The following CDH18 variants were observed in gnomAD, a reference collection of about 807,000 sequenced individuals.
CDH18 encodes cadherin-18.
CDH18 carries 31 observed loss-of-function variants against 67.9 expected under a neutral mutation model. That is an observed-to-expected ratio of 0.46 (90% CI 0.34 to 0.62). The LOEUF is 0.62. Among genes scored for constraint, CDH18 ranks in the 20% least tolerant of loss-of-function variants. The pLI is 0.01. For synonymous variants in CDH18, 362 were observed against 347.2 expected (o/e 1.04, Z -0.48); for missense variants, 890 against 975.5 (o/e 0.91, Z 1.17).
intron 11 of CDH18, among the ~76,000 whole-genome samples, chr5:19,493,737 G>C (rs956647052): frequency 2.6e-5 from 4 of 152,046 alleles, no homozygotes; most frequent in Non-Finnish European, 4.4e-5. Flanking sequence ...TCTGGTAAAT[G>C]TTTAATCACA....
intron 7 of CDH18, among the ~76,000 whole-genome samples, chr5:19,582,483 G>C (rs1743432983): frequency 6.6e-6 from 1 of 151,952 alleles, no homozygotes; most frequent in South Asian, 2.1e-4. Context: ...TTACCCAATA[G>C]CGTTTCCGTG....
intron 2 of CDH18, among the ~76,000 whole-genome samples, chr5:19,940,644 T>C (rs896231346): frequency 1.3e-5 from 2 of 152,032 alleles, no homozygotes; most frequent in African/African-American, 2.4e-5. Context: ...CCTTTGTGGA[T>C]CTAGAGATTA....
At chr5:19,658,774 G>A (rs1035498790) in intron 5 of CDH18, among the ~76,000 whole-genome samples, 5 of 151,522 alleles carry the variant, frequency 3.3e-5, no homozygotes, top group Non-Finnish European at 4.4e-5. Context: ...TTAACATTAG[G>A]TATATCTCCT....
chr5:20,141,279 TTGA>T (rs575463049), intron 2 of CDH18, among the ~76,000 whole-genome samples: 19 of 152,258 alleles, frequency 1.2e-4, no homozygotes, highest in African/African-American at 4.6e-4. Context: ...TTAAATTGAC[TTGA>T]TGATGCTGCG....
chr5:20,304,678 T>C lies in CDH18; in HGVS notation c.-579-49173A>G. On this transcript the variant is annotated intron_variant, in intron 1 of 14. Coordinates refer to the CDH18 transcript ENST00000507958. ...CGCTCCTAGTGATGATGGGTCCGTT[T>C]TCTTTTCAGATGTCAGCTCCACCTT... The C allele has an allele frequency of 3.1e-6, 5 of 1,611,844 alleles. No individual in the cohort carries two copies. In the African/African-American group the frequency reaches 4.0e-5, roughly 13 times the overall value.
chr5:20,501,732 T>TGC (rs1188508581), intron 1 of CDH18, among the ~76,000 whole-genome samples: 2 of 145,268 alleles, frequency 1.4e-5, no homozygotes, highest in Non-Finnish European at 3.0e-5. Flanking sequence ...TGTGTGTGTG[T>TGC]GTGTGTGTGT....
At chr5:20,523,381 C>T (rs1288774448) in intron 1 of CDH18, among the ~76,000 whole-genome samples, 1 of 152,106 alleles carries the variant, frequency 6.6e-6, no homozygotes, top group African/African-American at 2.4e-5. Context: ...CATGCTGACT[C>T]TCTGCACATC....
At chr5:20,278,011 G>T (rs1395055360) in intron 1 of CDH18, among the ~76,000 whole-genome samples, 1 of 152,032 alleles carries the variant, frequency 6.6e-6, no homozygotes, top group Non-Finnish European at 1.5e-5. Flanking sequence ...AAGCCTACCT[G>T]CCACATCTAG....
chr5:20,493,593 T>C (rs1753724320), intron 1 of CDH18, among the ~76,000 whole-genome samples: 1 of 151,930 alleles, frequency 6.6e-6, no homozygotes, highest in Non-Finnish European at 1.5e-5. Context: ...ACTTCAAATA[T>C]GCTCTGAATC....
At chr5:19,604,476 C>G (rs1747695170) in intron 6 of CDH18, among the ~76,000 whole-genome samples, 1 of 151,278 alleles carries the variant, frequency 6.6e-6, no homozygotes, top group Admixed American at 6.6e-5. Context: ...ATAATCTCCA[C>G]TTTAAATGTT....
At chr5:20,277,499 T>G (rs1399151508) in intron 1 of CDH18, among the ~76,000 whole-genome samples, 1 of 152,070 alleles carries the variant, frequency 6.6e-6, no homozygotes, top group Non-Finnish European at 1.5e-5. Flanking sequence ...AAACTTAGAT[T>G]ACAACACCCA....
intron 2 of CDH18, among the ~76,000 whole-genome samples, chr5:20,226,294 G>A (rs1741621657): frequency 6.6e-6 from 1 of 152,012 alleles, no homozygotes. Context: ...ATAGCATTCG[G>A]TATTAGCTGT....
At chr5:20,506,521 T>C (rs1754670799) in intron 1 of CDH18, among the ~76,000 whole-genome samples, 1 of 152,188 alleles carries the variant, frequency 6.6e-6, no homozygotes, top group Non-Finnish European at 1.5e-5. Context: ...GTCTGAATGC[T>C]GCCAGCAACC....
intron 12 of CDH18, among the ~76,000 whole-genome samples, chr5:19,475,033 CTTTA>C (rs1171747475): frequency 6.6e-6 from 1 of 152,010 alleles, no homozygotes; most frequent in Non-Finnish European, 1.5e-5. Context: ...ATATTCTAGG[CTTTA>C]TGATGGTGAT....
At chr5:20,504,492 T>C (rs1288087786) in intron 1 of CDH18, among the ~76,000 whole-genome samples, 2 of 152,180 alleles carry the variant, frequency 1.3e-5, no homozygotes, top group East Asian at 3.9e-4. Flanking sequence ...TAAAAGTTTT[T>C]AGAAAGACTC....
intron 2 of CDH18, among the ~76,000 whole-genome samples, chr5:20,210,652 C>G (rs530200469): frequency 5.5e-4 from 84 of 151,692 alleles, no homozygotes; most frequent in African/African-American, 1.8e-3. Context: ...TATTTTATAT[C>G]CGATAGTGAT....
intron 2 of CDH18, among the ~76,000 whole-genome samples, chr5:19,935,013 T>C (rs1483444274): frequency 1.3e-5 from 2 of 151,328 alleles, no homozygotes; most frequent in Non-Finnish European, 3.0e-5. Context: ...CCTATGATTA[T>C]GTCTCAGTCT....
intron 5 of CDH18, among the ~76,000 whole-genome samples, chr5:19,698,954 TC>T (rs1762876061): frequency 6.6e-6 from 1 of 152,122 alleles, no homozygotes; most frequent in Non-Finnish European, 1.5e-5. Flanking sequence ...CTGTTTCTCT[TC>T]CCTACAGGTT....
rs566938377 is a variant in CDH18 at position 19,994,328 on chromosome 5, T to C, written c.-517-2314A>G. On this transcript the variant is annotated intron_variant, in intron 2 of 14. Coordinates refer to the CDH18 transcript ENST00000507958. Reference sequence around the variant, plus strand: ...ACACATATATGTATACATATATACATATATTTATACACCTCTCTATCCCCT... The same window carrying C: ...ACACATATATGTATACATATATACACATATTTATACACCTCTCTATCCCCT... Among the ~76,000 whole-genome samples the C allele has an allele frequency of 3.9e-3, 537 of 138,164 alleles. 2 individuals are homozygous for C. Among genetic ancestry groups the C allele is most frequent in the African/African-American group, 0.016 (501 of 31,862 alleles). 90.6% of individuals were successfully genotyped at this position (138,164 alleles called of 152,430 possible). A position where few individuals can be genotyped will look rare whatever the true frequency, so the allele number is the denominator to read the frequency against.
Sources: gnomAD v4.1 joint callset for allele counts (sites outside exome capture counted in the v4.1 genomes callset) on GRCh38, gnomAD v4.1.1 for gene constraint, MANE v1.5 for transcripts, NCBI Gene and HGNC (gene_info 2026-07-23, HGNC 2026-07-21) for gene names.